CD276: variants seen among roughly 807,000 people sequenced by gnomAD.
The protein encoded by CD276 is CD276 antigen.
A neutral mutation model predicts 50.0 loss-of-function variants in CD276; 34 were observed. That is an observed-to-expected ratio of 0.68 (90% CI 0.52 to 0.91). The LOEUF is 0.91. Ranked by LOEUF, CD276 falls within the 40% of genes least tolerant of loss-of-function variation. The probability of loss-of-function intolerance (pLI) is 0.00; values close to 1 mark genes in which losing one functional copy is unlikely to be tolerated. For missense variants in CD276, 634 were observed against 717.5 expected (o/e 0.88, Z 1.33); for synonymous variants, 275 against 313.0 (o/e 0.88, Z 1.28).
Position 73,713,377 on chromosome 15 carries a change from C to A in CD276, c.*421C>A. The A allele has an allele frequency of 3.8e-6, 1 of 263,456 alleles. No individual in the cohort carries two copies. Among genetic ancestry groups the A allele is most frequent in the South Asian group, 4.1e-5 (1 of 24,322 alleles). 16.3% of individuals were successfully genotyped at this position (263,456 alleles called of 1,614,324 possible). A position where few individuals can be genotyped will look rare whatever the true frequency, so the allele number is the denominator to read the frequency against. Reference sequence around the variant, plus strand: ...CCCCTGCCTTATTTCACCAAAGACACGATGCATAGTCACCCCGGCCTTGTT... The same window carrying A: ...CCCCTGCCTTATTTCACCAAAGACAAGATGCATAGTCACCCCGGCCTTGTT... On this transcript the variant is annotated 3_prime_UTR_variant, in exon 10 of 10. Transcript: ENST00000318443.
intron 4 of CD276, among the ~76,000 whole-genome samples, chr15:73,703,439 C>G (rs2141567965): frequency 6.6e-6 from 1 of 152,258 alleles, no homozygotes; most frequent in East Asian, 1.9e-4. Flanking sequence ...TGGGATTGGT[C>G]TGGTCAGGCC....
chr15:73,702,679 A>C, intron 3 of CD276, 86 bp downstream of exon 3: 1 of 1,555,530 alleles, frequency 6.4e-7, no homozygotes, highest in South Asian at 1.2e-5. Flanking sequence ...CTGCTCCCAG[A>C]ACCCCAGTGC....
At chr15:73,694,419 G>A (rs762371307) in intron 1 of CD276, among the ~76,000 whole-genome samples, 57 of 152,210 alleles carry the variant, frequency 3.7e-4, no homozygotes, top group African/African-American at 1.3e-3. Context: ...CATCGGGTAC[G>A]GAGACGGGGA....
At chr15:73,711,091 C>G (rs377054930) in intron 8 of CD276, 44 bp from the exon 9 acceptor site, 14 of 1,611,260 alleles carry the variant, frequency 8.7e-6, no homozygotes, top group Middle Eastern at 1.7e-4. Flanking sequence ...CCCACCACTT[C>G]CCATGGTTCC....
intron 2 of CD276, among the ~76,000 whole-genome samples, chr15:73,701,049 G>C (rs982147304): frequency 1.3e-5 from 2 of 150,446 alleles, no homozygotes; most frequent in African/African-American, 4.9e-5. Flanking sequence ...GATTACAGGT[G>C]TGTTCCACCA....
At chr15:73,690,299 G>A (rs1307460999) in intron 1 of CD276, among the ~76,000 whole-genome samples, 2 of 152,232 alleles carry the variant, frequency 1.3e-5, no homozygotes, top group African/African-American at 4.8e-5. Context: ...ATATCATGAA[G>A]AAAACAGACT....
At chr15:73,690,578 G>A (rs576072213) in intron 1 of CD276, 90 of 413,160 alleles carry the variant, frequency 2.2e-4, no homozygotes, top group African/African-American at 1.4e-3. Context: ...GCATGTGAGC[G>A]TGCAGTACAG....
chr15:73,701,871 G>A (rs1900403277), intron 2 of CD276, among the ~76,000 whole-genome samples: 1 of 152,224 alleles, frequency 6.6e-6, no homozygotes, highest in African/African-American at 2.4e-5. Context: ...ACATGGTGCA[G>A]GCAGGTGTAA....
At position 73,702,495 on chromosome 15, in the gene CD276, T is replaced by G. The variant is rs781343496; in HGVS notation, c.320T>G (p.Leu107Arg). 1 of 1,613,530 alleles carries G rather than the reference T, an allele frequency of 6.2e-7. No homozygotes were observed. ...PDLLAQGNAS[L>R]RLQRVRVADE... ...CTGCTGGCACAGGGCAACGCATCCC[T>G]GAGGCTGCAGCGCGTGCGTGTGGCG... The change falls in exon 3 of 10, where the codon CTG becomes CGG. Residue 107 changes from leucine (L) to arginine (R), a missense_variant. Coordinates refer to ENST00000318443, the MANE Select transcript of CD276 (RefSeq NM_001024736.2).
At chr15:73,686,655 A>G (rs575754830) in intron 1 of CD276, among the ~76,000 whole-genome samples, 6 of 152,276 alleles carry the variant, frequency 3.9e-5, no homozygotes, top group South Asian at 2.1e-4. Flanking sequence ...GAGCTGGACA[A>G]TGCTGTTTGG....
intron 4 of CD276, among the ~76,000 whole-genome samples, chr15:73,703,299 G>A (rs2141567659): frequency 6.6e-6 from 1 of 152,252 alleles, no homozygotes; most frequent in African/African-American, 2.4e-5. Context: ...TGACTTCAAG[G>A]CTCTGGAAGC....
chr15:73,691,385 T>C (rs1280209841), intron 1 of CD276, among the ~76,000 whole-genome samples: 2 of 152,214 alleles, frequency 1.3e-5, no homozygotes, highest in Non-Finnish European at 2.9e-5. Flanking sequence ...AGATTGTTGG[T>C]AGCAGACACA....
chr15:73,707,948 C>T (rs2141579155), intron 6 of CD276, among the ~76,000 whole-genome samples: 1 of 152,310 alleles, frequency 6.6e-6, no homozygotes, highest in East Asian at 1.9e-4. Flanking sequence ...ATGGTTAGGA[C>T]ACCAGTTTGG....
In CD276 at chr15:73,713,845, A is replaced by G. The variant is rs760288660; in HGVS notation, c.*889A>G. The G allele has an allele frequency of 3.6e-5, 16 of 440,016 alleles. No homozygotes were observed. Among genetic ancestry groups the G allele is most frequent in the Non-Finnish European group, 7.2e-5 (16 of 220,706 alleles). 27.3% of individuals were successfully genotyped at this position (440,016 alleles called of 1,614,324 possible). ...TTCTTTTCATGTATCCATTCAGTTG[A>G]TGTTTATTGAGCAACTACAGATGTC... On this transcript the variant is annotated 3_prime_UTR_variant, in exon 10 of 10. Coordinates refer to ENST00000318443, the MANE Select transcript of CD276 (RefSeq NM_001024736.2).
Position 73,708,557 on chromosome 15 carries a change from T to C in CD276, c.1504+84T>C. On this transcript the variant is annotated intron_variant, in intron 7 of 9. Coordinates refer to ENST00000318443, the MANE Select transcript of CD276 (RefSeq NM_001024736.2). ...TGCTGTCTTTGATGTCAATAGAGTG[T>C]CACTTTCTAGTGACAGAACGAGTGT... The C allele has an allele frequency of 1.4e-6, 2 of 1,472,610 alleles. 1 individual carries two copies. Among genetic ancestry groups the C allele is most frequent in the South Asian group, 2.6e-5 (2 of 77,932 alleles). 91.2% of individuals were successfully genotyped at this position (1,472,610 alleles called of 1,614,324 possible). A position where few individuals can be genotyped will look rare whatever the true frequency, so the allele number is the denominator to read the frequency against.
intron 2 of CD276, 22 bp downstream of exon 2, chr15:73,699,740 C>T (rs200275841): frequency 3.5e-5 from 55 of 1,568,278 alleles, no homozygotes; most frequent in African/African-American, 1.4e-4. Flanking sequence ...AGCATGGGGA[C>T]GGGAGGGGAG....
intron 6 of CD276, among the ~76,000 whole-genome samples, chr15:73,705,318 G>C (rs1272784526): frequency 6.6e-6 from 1 of 152,136 alleles, no homozygotes; most frequent in African/African-American, 2.4e-5. Context: ...CTGCCCCTCA[G>C]CCCATCCAAG....
At position 73,714,081 on chromosome 15, in the gene CD276, A is replaced by G. The variant is rs11072436; in HGVS notation, c.*1125A>G. 3 of 288,824 alleles carry G rather than the reference A, an allele frequency of 1.0e-5. No homozygotes were observed. The highest frequency in any genetic ancestry group is 2.0e-5 in the Non-Finnish European group (3 of 153,148). 17.9% of individuals were successfully genotyped at this position (288,824 alleles called of 1,614,324 possible). ...CCCACCCATAATTCTTACCCAGAGC[A>G]TGGGGTTGGGGCGGAAACCTGGAGA... On this transcript the variant is annotated 3_prime_UTR_variant, in exon 10 of 10. Coordinates refer to ENST00000318443, the MANE Select transcript of CD276 (RefSeq NM_001024736.2).
chr15:73,702,905 GCCCCTGACTGGCAACGTGACCA>G lies in CD276; in HGVS notation c.554_575del (p.Pro185ArgfsTer68). 6.2e-7 allele frequency: 1 copy of G among 1,614,048 alleles called. No individual in the cohort carries two copies. The highest frequency in any genetic ancestry group is 8.5e-7 in the Non-Finnish European group (1 of 1,180,042). ...TGTTCTGGCAGGATGGGCAGGGTGT[GCCCCTGACTGGCAACGTGACCA>G]CGTCGCAGATGGCCAACGAGCAGGG... On this transcript the variant is annotated frameshift_variant, in exon 4 of 10. Transcript: ENST00000318443. LOFTEE classifies it high-confidence loss of function.
Sources: gnomAD v4.1 joint callset for allele counts (sites outside exome capture counted in the v4.1 genomes callset) on GRCh38, gnomAD v4.1.1 for gene constraint, MANE v1.5 for transcripts, NCBI Gene and HGNC (gene_info 2026-07-23, HGNC 2026-07-21) for gene names.